Variants in CAMK4 observed in about 807,000 individuals in gnomAD.
CAMK4 encodes the protein calcium/calmodulin-dependent protein kinase type IV.
A neutral mutation model predicts 44.9 loss-of-function variants in CAMK4; 22 were observed. The observed-to-expected ratio is 0.49, with a 90% confidence interval of 0.35 to 0.70. The LOEUF is 0.70. Among genes scored for constraint, CAMK4 ranks in the 30% least tolerant of loss-of-function variants. CAMK4 has a pLI of 0.01. For synonymous variants in CAMK4, 218 were observed against 215.4 expected, an observed-to-expected ratio of 1.01 and a Z score of -0.11; for missense variants, 498 against 586.8, an observed-to-expected ratio of 0.85 and a Z score of 1.56.
At chr5:111,439,820 G>A (rs1753765105) in intron 5 of CAMK4, among the ~76,000 whole-genome samples, 1 of 152,148 alleles carries the variant, frequency 6.6e-6, no homozygotes, top group African/African-American at 2.4e-5. Flanking sequence ...AAAGAACAGA[G>A]GAGTCAGGAA....
intron 1 of CAMK4, among the ~76,000 whole-genome samples, chr5:111,321,558 A>G (rs1748664546): frequency 6.6e-6 from 1 of 152,156 alleles, no homozygotes; most frequent in Non-Finnish European, 1.5e-5. Flanking sequence ...ACTCTCTTCC[A>G]TGTCTGTATC....
chr5:111,420,173 G>T (rs1403662333), intron 5 of CAMK4, among the ~76,000 whole-genome samples: 1 of 151,094 alleles, frequency 6.6e-6, no homozygotes, highest in African/African-American at 2.4e-5. Context: ...CTTGTAAGTT[G>T]GATTCCTAGG....
chr5:111,316,799 T>A (rs1748443833), intron 1 of CAMK4, among the ~76,000 whole-genome samples: 1 of 152,134 alleles, frequency 6.6e-6, no homozygotes, highest in Non-Finnish European at 1.5e-5. Flanking sequence ...TAATATTGCA[T>A]TTTCAAGAAT....
rs1256740726 is a variant in CAMK4 at position 111,224,415 on chromosome 5, T to TGGCGGCC, written c.-65_-59dup. The TGGCGGCC allele has an allele frequency of 4.0e-6, 6 of 1,494,194 alleles. No homozygotes were observed. The South Asian group carries it at 6.5e-5, about 16-fold the overall frequency. 92.6% of individuals were successfully genotyped at this position (1,494,194 alleles called of 1,614,324 possible). ...CGCTCCTGCGTTCGCAGGCGGCGGCTGGCGGCCGGCTTCTCGCTCGGGCAG... is the reference window on the plus strand; with the variant it reads ...CGCTCCTGCGTTCGCAGGCGGCGGCTGGCGGCCGGCGGCCGGCTTCTCGCTCGGGCAG... On this transcript the variant is annotated 5_prime_UTR_variant, in exon 1 of 11. Transcript: ENST00000282356. This position sits in a 1 kb window ranked among gnomAD's most constrained non-coding sequence, Gnocchi z 5.7.
At position 111,349,931 on chromosome 5, in the gene CAMK4, C is replaced by T. The variant is rs530984126; in HGVS notation, c.240+5829C>T. 6.6e-5 allele frequency among the ~76,000 whole-genome samples: 10 copies of T among 152,020 alleles called. No individual in the cohort carries two copies. The East Asian group carries it at 1.5e-3, about 24-fold the overall frequency. On this transcript the variant is annotated intron_variant, in intron 2 of 10. Transcript: ENST00000282356. ...TATTAATCTAACTATAAAATACATG[C>T]CTCTCATGAAATACCTAGTATTGAG...
At chr5:111,403,802 A>C (rs1290470910) in intron 5 of CAMK4, among the ~76,000 whole-genome samples, 1 of 152,204 alleles carries the variant, frequency 6.6e-6, no homozygotes, top group Non-Finnish European at 1.5e-5. Flanking sequence ...ATGTTTCTGC[A>C]CACCATTATC....
intron 7 of CAMK4, among the ~76,000 whole-genome samples, chr5:111,460,733 G>A (rs1754615351): frequency 6.6e-6 from 1 of 152,190 alleles, no homozygotes; most frequent in South Asian, 2.1e-4. Context: ...CAACTCTGAA[G>A]TGACCTGGAG....
intron 5 of CAMK4, among the ~76,000 whole-genome samples, chr5:111,402,087 C>T (rs1752248983): frequency 6.6e-6 from 1 of 152,142 alleles, no homozygotes; most frequent in Non-Finnish European, 1.5e-5. Context: ...TCCAGAGAGA[C>T]ATAGGAATAA....
chr5:111,260,757 A>G (rs1215740481), intron 1 of CAMK4, among the ~76,000 whole-genome samples: 1 of 152,152 alleles, frequency 6.6e-6, no homozygotes, highest in Non-Finnish European at 1.5e-5. Flanking sequence ...AAGATTCCTC[A>G]GATCCTGCAC....
At chr5:111,249,504 T>G (rs1179504894) in intron 1 of CAMK4, among the ~76,000 whole-genome samples, 2 of 151,024 alleles carry the variant, frequency 1.3e-5, no homozygotes, top group African/African-American at 4.8e-5. Flanking sequence ...TAATAAATTA[T>G]TTTTGAGTAT....
chr5:111,395,091 T>A (rs934063195), intron 5 of CAMK4, among the ~76,000 whole-genome samples: 2 of 150,910 alleles, frequency 1.3e-5, no homozygotes, highest in Non-Finnish European at 3.0e-5. Flanking sequence ...CACCTGTAAT[T>A]CCAACTACTT....
chr5:111,308,505 T>C (rs1021284351), intron 1 of CAMK4, among the ~76,000 whole-genome samples: 2 of 152,208 alleles, frequency 1.3e-5, no homozygotes, highest in African/African-American at 2.4e-5. Flanking sequence ...TTCAAAGATA[T>C]TTATCTACAA....
At chr5:111,332,005 A>G (rs1749186233) in intron 1 of CAMK4, among the ~76,000 whole-genome samples, 1 of 151,746 alleles carries the variant, frequency 6.6e-6, no homozygotes, top group African/African-American at 2.4e-5. Context: ...CGTTTTAAAA[A>G]TGAACAGTGA....
chr5:111,351,000 T>C (rs1158857775), intron 2 of CAMK4, among the ~76,000 whole-genome samples: 1 of 152,110 alleles, frequency 6.6e-6, no homozygotes, highest in Non-Finnish European at 1.5e-5. Context: ...CCATTAGAGA[T>C]TTTCAGATTT....
At chr5:111,457,335 C>T (rs1754451142) in intron 7 of CAMK4, among the ~76,000 whole-genome samples, 1 of 152,120 alleles carries the variant, frequency 6.6e-6, no homozygotes, top group African/African-American at 2.4e-5. Flanking sequence ...TTCTAGGGAG[C>T]TTATTGGAAC....
chr5:111,276,586 G>C (rs1750769266), intron 1 of CAMK4, among the ~76,000 whole-genome samples: 1 of 152,108 alleles, frequency 6.6e-6, no homozygotes, highest in Admixed American at 6.5e-5. Flanking sequence ...TATATATTAA[G>C]TCAAAATCTA....
intron 5 of CAMK4, among the ~76,000 whole-genome samples, chr5:111,429,804 A>G (rs970088458): frequency 2.0e-5 from 3 of 146,590 alleles, no homozygotes; most frequent in Non-Finnish European, 3.0e-5. Context: ...AAAAAAAAAA[A>G]AAAAGCCGTA....
At chr5:111,337,542 T>G (rs1580613702) in intron 1 of CAMK4, among the ~76,000 whole-genome samples, 1 of 150,680 alleles carries the variant, frequency 6.6e-6, no homozygotes, top group East Asian at 2.0e-4. Flanking sequence ...AATAGTGTTG[T>G]TGAAGTCACA....
intron 1 of CAMK4, among the ~76,000 whole-genome samples, chr5:111,309,310 T>C (rs1484289252): frequency 6.6e-6 from 1 of 152,136 alleles, no homozygotes; most frequent in East Asian, 1.9e-4. Context: ...GACCTGGGTC[T>C]TAGGTGGGCA....
Sources: gnomAD v4.1 joint callset for allele counts (sites outside exome capture counted in the v4.1 genomes callset) on GRCh38, gnomAD v4.1.1 for gene constraint, Gnocchi (gnomAD v3.1) non-coding constraint, MANE v1.5 for transcripts, NCBI Gene and HGNC (gene_info 2026-07-23, HGNC 2026-07-21) for gene names.